The following PTGER4 variants were observed in gnomAD, a reference collection of about 807,000 sequenced individuals.
PTGER4 encodes the protein prostaglandin E2 receptor EP4 subtype.
Under a neutral mutation model 33.2 loss-of-function variants are expected in PTGER4, and 11 were observed. The observed-to-expected ratio is 0.33, with a 90% CI of 0.21 to 0.55. PTGER4 has a LOEUF of 0.55. Ranked by LOEUF, PTGER4 falls within the 20% of genes least tolerant of loss-of-function variation. The pLI is 0.92. For missense variants in PTGER4, 481 were observed against 650.2 expected (o/e 0.74, Z 2.83); for synonymous variants, 275 against 281.5 (o/e 0.98, Z 0.23).
chr5:40,681,970 C>T lies in PTGER4; in HGVS notation c.867+110C>T. The stretch of plus-strand genomic sequence containing the variant: ...GAGTCCTTGGCAGTGAACGTGTCGC[C>T]TTTAGGTCGGGGCTGGGATTCCCAC... On this transcript the variant is annotated intron_variant, in intron 2 of 2. Coordinates refer to ENST00000302472, the MANE Select transcript of PTGER4 (RefSeq NM_000958.3). The surrounding 1 kb of genome is among the most constrained non-coding windows in gnomAD (Gnocchi z 9.8). 7.5e-7 allele frequency: 1 copy of T among 1,336,248 alleles called. No homozygotes were observed. The highest frequency in any genetic ancestry group is 1.6e-5 in the South Asian group (1 of 63,460). The allele number at this position is 1,336,248 out of a possible 1,614,324, so 82.8% of individuals were successfully genotyped here.
chr5:40,743,916 T>A, the PTGER4 span, among the ~76,000 whole-genome samples: 1 of 152,232 alleles, frequency 6.6e-6, no homozygotes, highest in African/African-American at 2.4e-5. Flanking sequence ...TTTAGTGAAA[T>A]GACTCAATGT....
the PTGER4 span, among the ~76,000 whole-genome samples, chr5:40,716,957 G>A: frequency 6.6e-6 from 1 of 152,034 alleles, no homozygotes; most frequent in Non-Finnish European, 1.5e-5. Context: ...GGCTGGGCAC[G>A]GTGGCTCATA....
chr5:40,682,569 A>G (rs1741226618), intron 2 of PTGER4, among the ~76,000 whole-genome samples: 1 of 152,218 alleles, frequency 6.6e-6, no homozygotes, highest in Non-Finnish European at 1.5e-5. Flanking sequence ...GGCAGGGTCC[A>G]GACTCAGTTT....
chr5:40,728,176 C>T, the PTGER4 span, among the ~76,000 whole-genome samples: 17,000 of 147,154 alleles, frequency 0.12, 1,267 homozygotes, highest in Non-Finnish European at 0.17. Flanking sequence ...CCCAGCTACA[C>T]AGGAGGCTGA....
chr5:40,742,426 G>A, the PTGER4 span, among the ~76,000 whole-genome samples: 1 of 152,106 alleles, frequency 6.6e-6, no homozygotes, highest in Non-Finnish European at 1.5e-5. Context: ...CAACAGCATT[G>A]AGGTAGATAT....
the PTGER4 span, among the ~76,000 whole-genome samples, chr5:40,705,412 TG>T: frequency 6.6e-6 from 1 of 152,148 alleles, no homozygotes; most frequent in Non-Finnish European, 1.5e-5. Context: ...GACCTAGGAA[TG>T]GGCAAAGATT....
chr5:40,697,195 G>T (rs1226581041), downstream of PTGER4, among the ~76,000 whole-genome samples: 1 of 128,704 alleles, frequency 7.8e-6, no homozygotes, highest in East Asian at 2.2e-4. Context: ...AAGAAAGAAA[G>T]AAAAGAAAGA....
the PTGER4 span, among the ~76,000 whole-genome samples, chr5:40,701,327 A>G: frequency 2.0e-5 from 3 of 152,242 alleles, no homozygotes; most frequent in Non-Finnish European, 4.4e-5. Flanking sequence ...GCTGGTATCA[A>G]AACGAACCTA....
downstream of PTGER4, among the ~76,000 whole-genome samples, chr5:40,697,130 GAAGGAAGGAAGGA>G (rs1162374013): frequency 4.4e-4 from 36 of 82,082 alleles, no homozygotes; most frequent in African/African-American, 1.9e-3. Context: ...AGAAAGAAAG[GAAGGAAGGAAGGA>G]AAGAAAGAGA....
In PTGER4 at chr5:40,681,901, G is replaced by T. The variant is rs1244688721; in HGVS notation, c.867+41G>T. 2.0e-6 allele frequency: 3 copies of T among 1,475,694 alleles called. No individual in the cohort carries two copies. The highest frequency in any genetic ancestry group is 3.0e-5 in the African/African-American group (2 of 67,488). 91.4% of individuals were successfully genotyped at this position (1,475,694 alleles called of 1,614,324 possible). A position where few individuals can be genotyped will look rare whatever the true frequency, so the allele number is the denominator to read the frequency against. On this transcript the variant is annotated intron_variant, in intron 2 of 2. Coordinates refer to ENST00000302472, the MANE Select transcript of PTGER4 (RefSeq NM_000958.3). This position sits in a 1 kb window ranked among gnomAD's most constrained non-coding sequence, Gnocchi z 9.8. Reference sequence around the variant, plus strand: ...TGGGGCCCTACTCGGCCTTTTTCTCGCATCCACCTCCCGCGTCCATTCCCC... The same window carrying T: ...TGGGGCCCTACTCGGCCTTTTTCTCTCATCCACCTCCCGCGTCCATTCCCC...
chr5:40,695,970 T>C (rs986339823), downstream of PTGER4, among the ~76,000 whole-genome samples: 4 of 152,096 alleles, frequency 2.6e-5, no homozygotes, highest in African/African-American at 9.7e-5. Flanking sequence ...ACCTACTGGG[T>C]ACTATGTTCA....
At chr5:40,731,092 G>T in the PTGER4 span, among the ~76,000 whole-genome samples, 1 of 152,146 alleles carries the variant, frequency 6.6e-6, no homozygotes, top group Non-Finnish European at 1.5e-5. Context: ...TGTTATTGTA[G>T]ATGTGACAGG....
intron 2 of PTGER4, among the ~76,000 whole-genome samples, chr5:40,690,155 C>T (rs1012813436): frequency 1.3e-5 from 2 of 152,056 alleles, no homozygotes; most frequent in African/African-American, 4.8e-5. Context: ...GCCTGGGCAA[C>T]ATAGAAAGAC....
At chr5:40,722,331 G>A in the PTGER4 span, among the ~76,000 whole-genome samples, 23 of 152,144 alleles carry the variant, frequency 1.5e-4, no homozygotes, top group East Asian at 3.7e-3. Context: ...CCGCCACCCC[G>A]TCTAGGAAGT....
At chr5:40,689,231 A>G (rs913944186) in intron 2 of PTGER4, among the ~76,000 whole-genome samples, 4 of 152,214 alleles carry the variant, frequency 2.6e-5, no homozygotes, top group Admixed American at 2.6e-4. Context: ...AAACAAAACA[A>G]GTGAATAACA....
the PTGER4 span, among the ~76,000 whole-genome samples, chr5:40,738,478 A>G: frequency 7.3e-6 from 1 of 137,702 alleles, no homozygotes; most frequent in Admixed American, 8.6e-5. Flanking sequence ...ACAATACAAT[A>G]CAATACAATA....
the PTGER4 span, among the ~76,000 whole-genome samples, chr5:40,724,664 AC>A: frequency 7.9e-5 from 12 of 151,990 alleles, no homozygotes; most frequent in Admixed American, 1.3e-4. Context: ...ACAAAAAAAA[AC>A]AGAACAATAA....
rs1324812189 is a variant in PTGER4, at chr5:40,693,148, G to T, written c.*770G>T. The T allele has an allele frequency of 4.2e-6, 4 of 960,406 alleles. No homozygotes were observed. In the East Asian group the frequency reaches 4.6e-4, roughly 110 times the overall value. 59.5% of individuals were successfully genotyped at this position (960,406 alleles called of 1,614,324 possible). On this transcript the variant is annotated 3_prime_UTR_variant, in exon 3 of 3. Coordinates refer to ENST00000302472, the MANE Select transcript of PTGER4 (RefSeq NM_000958.3). ...ATGTATAAAATACATAGTGAAAATT[G>T]TTTAGTGATATTACATTTATTTATC...
At chr5:40,709,367 C>A in the PTGER4 span, among the ~76,000 whole-genome samples, 12 of 152,132 alleles carry the variant, frequency 7.9e-5, no homozygotes, top group Admixed American at 7.9e-4. Context: ...GCAAAAATCA[C>A]AAGCATTCTT....
Sources: allele counts gnomAD v4.1 joint callset (sites outside exome capture counted in the v4.1 genomes callset), GRCh38; gene constraint gnomAD v4.1.1; non-coding constraint Gnocchi (gnomAD v3.1); transcripts MANE v1.5; gene names NCBI Gene and HGNC (gene_info 2026-07-23, HGNC 2026-07-21).